The following ZNF354B variants were observed in gnomAD, a reference collection of about 807,000 sequenced individuals.
ZNF354B encodes zinc finger protein 354B.
Under a neutral mutation model 12.9 loss-of-function variants are expected in ZNF354B, and 10 were observed. That is an observed-to-expected ratio of 0.77 (90% CI 0.48 to 1.31). ZNF354B has a LOEUF of 1.31. ZNF354B is among the 40% of genes most tolerant of loss of function. ZNF354B has a pLI of 0.00. For missense variants in ZNF354B, 614 were observed against 711.7 expected, an observed-to-expected ratio of 0.86 and a Z score of 1.56; for synonymous variants, 260 against 243.7, an observed-to-expected ratio of 1.07 and a Z score of -0.62.
At chr5:178,871,904 T>C (rs2114016738) in intron 4 of ZNF354B, among the ~76,000 whole-genome samples, 1 of 152,326 alleles carries the variant, frequency 6.6e-6, no homozygotes, top group South Asian at 2.1e-4. Flanking sequence ...GAATTTTACT[T>C]TTTTTAGAAA....
chr5:178,870,105 G>T (rs1313261389), intron 4 of ZNF354B, among the ~76,000 whole-genome samples: 7 of 152,004 alleles, frequency 4.6e-5, no homozygotes, highest in African/African-American at 1.4e-4. Context: ...TGAGCCCAGG[G>T]GTTCGAGACC....
chr5:178,872,107 C>G (rs1405950503), intron 4 of ZNF354B, among the ~76,000 whole-genome samples: 1 of 152,210 alleles, frequency 6.6e-6, no homozygotes, highest in East Asian at 1.9e-4. Context: ...CGTTTTTACA[C>G]ACACCTGTTT....
chr5:178,875,345 C>A (rs1477773718), intron 4 of ZNF354B, among the ~76,000 whole-genome samples: 3 of 152,190 alleles, frequency 2.0e-5, no homozygotes, highest in Non-Finnish European at 4.4e-5. Context: ...GAACCACTGT[C>A]AATCAGTGCA....
At chr5:178,866,623 A>C (rs1182014128) in intron 3 of ZNF354B, among the ~76,000 whole-genome samples, 1 of 152,096 alleles carries the variant, frequency 6.6e-6, no homozygotes, top group Non-Finnish European at 1.5e-5. Context: ...ATTCTCTCAT[A>C]GTTCAGGCAG....
At chr5:178,862,166 A>G (rs1458235455) in intron 2 of ZNF354B, among the ~76,000 whole-genome samples, 1 of 152,080 alleles carries the variant, frequency 6.6e-6, no homozygotes, top group African/African-American at 2.4e-5. Context: ...TCACTCGCAC[A>G]GTAGCACAAC....
intron 3 of ZNF354B, 87 bp downstream of exon 3, chr5:178,866,457 A>C: frequency 6.6e-7 from 1 of 1,524,442 alleles, no homozygotes; most frequent in Non-Finnish European, 8.8e-7. Context: ...TTGATCACTG[A>C]AAAATTTGAG....
At chr5:178,870,527 C>A (rs1472686108) in intron 4 of ZNF354B, among the ~76,000 whole-genome samples, 1 of 152,182 alleles carries the variant, frequency 6.6e-6, no homozygotes, top group Non-Finnish European at 1.5e-5. Context: ...TGATCTGTCC[C>A]CCTCAGCCTC....
At chr5:178,870,961 G>C (rs1447022087) in intron 4 of ZNF354B, among the ~76,000 whole-genome samples, 1 of 152,148 alleles carries the variant, frequency 6.6e-6, no homozygotes, top group Non-Finnish European at 1.5e-5. Flanking sequence ...CACCTACCCA[G>C]TATAGTCCGG....
At chr5:178,872,109 C>T (rs1757572318) in intron 4 of ZNF354B, among the ~76,000 whole-genome samples, 2 of 152,216 alleles carry the variant, frequency 1.3e-5, no homozygotes, top group Non-Finnish European at 2.9e-5. Flanking sequence ...TTTTTACACA[C>T]ACCTGTTTCC....
Position 178,882,812 on chromosome 5 carries a change from A to T in ZNF354B, c.360A>T (p.Ile120=), listed in dbSNP as rs1027081697. 1.3e-5 allele frequency: 21 copies of T among 1,604,628 alleles called. 2 individuals are homozygous for T. Among genetic ancestry groups the T allele is most frequent in the East Asian group, 4.5e-5 (2 of 44,790 alleles). Residue 120 remains isoleucine (I), a synonymous_variant, in exon 5 of 5, where the codon ATA becomes ATT. Transcript: ENST00000322434. ...RLKRDEPWNF[I]SERSCIYEEK... is the part of the protein sequence containing the mutation. ...AAAGGGATGAACCCTGGAACTTCAT[A>T]TCAGAAAGATCCTGCATATATGAAG...
Position 178,883,984 on chromosome 5 carries a change from A to G in ZNF354B, c.1532A>G (p.Asn511Ser), listed in dbSNP as rs1225683031. The part of the protein sequence containing the change: ...KTFRCNSSLS[N>S]HQRIHTGEKP... ...TTCAGGTGTAACTCATCGCTTAGTA[A>G]TCACCAGAGAATTCATACTGGAGAG... The change falls in exon 5 of 5, where the codon AAT becomes AGT. Residue 511 changes from asparagine to serine, a missense_variant. Asn to Ser is a conservative substitution (Grantham distance 46). Coordinates refer to ENST00000322434, the MANE Select transcript of ZNF354B (RefSeq NM_058230.3). 7 of 1,614,124 alleles carry G rather than the reference A, an allele frequency of 4.3e-6. No individual in the cohort carries two copies. In the South Asian group the frequency reaches 7.7e-5, roughly 18 times the overall value.
chr5:178,879,310 G>A (rs943432922), intron 4 of ZNF354B, among the ~76,000 whole-genome samples: 1 of 152,180 alleles, frequency 6.6e-6, no homozygotes, highest in Non-Finnish European at 1.5e-5. Flanking sequence ...GCCTCCCAAA[G>A]TGCTAGGATT....
chr5:178,866,150 A>G (rs1014390553), intron 2 of ZNF354B, 94 bp from the exon 3 acceptor site: 4 of 1,536,746 alleles, frequency 2.6e-6, no homozygotes, highest in Non-Finnish European at 3.5e-6. Context: ...GAATAGTATG[A>G]GAAGTGTTTC....
chr5:178,880,697 A>G lies in ZNF354B; in HGVS notation c.257-2012A>G, dbSNP rs140069872. Among the ~76,000 whole-genome samples the G allele has an allele frequency of 4.6e-4, 70 of 151,278 alleles. 1 individual carries two copies. Among genetic ancestry groups the G allele is most frequent in the African/African-American group, 1.7e-3 (69 of 41,220 alleles). On this transcript the variant is annotated intron_variant, in intron 4 of 4. Coordinates refer to ENST00000322434, the MANE Select transcript of ZNF354B (RefSeq NM_058230.3). ...TGTTTTAGAGATGGGATCTTACTGT[A>G]TTGCCCAGGCTGATCTCGAACTCCT...
Position 178,867,068 on chromosome 5 carries a change from C to T in ZNF354B, c.253C>T (p.Leu85=), listed in dbSNP as rs1204053633. ...VEKDSSGVSS[L]GCKSTPKMTK... ...GAAAGACAGTTCTGGTGTCTCCTCT[C>T]TAGGTAAGTGGGTGGCCCGAGGTGC... is the stretch of plus-strand genomic sequence containing the variant. The change falls in exon 4 of 5, where the codon CTA becomes TTA. Residue 85 remains leucine (L), a synonymous_variant. Coordinates refer to ENST00000322434, the MANE Select transcript of ZNF354B (RefSeq NM_058230.3). The T allele has an allele frequency of 3.7e-6, 6 of 1,612,710 alleles. No individual in the cohort carries two copies. In the South Asian group the frequency reaches 6.6e-5, roughly 18 times the overall value.
chr5:178,876,479 G>T (rs1252038002), intron 4 of ZNF354B, among the ~76,000 whole-genome samples: 1 of 152,250 alleles, frequency 6.6e-6, no homozygotes, highest in Non-Finnish European at 1.5e-5. Flanking sequence ...GAGAGCCTAG[G>T]CAGGGCTGGT....
intron 4 of ZNF354B, among the ~76,000 whole-genome samples, chr5:178,870,505 T>C (rs1757545429): frequency 6.6e-6 from 1 of 152,190 alleles, no homozygotes; most frequent in Non-Finnish European, 1.5e-5. Context: ...GTCTCGAACT[T>C]CTGACCTGAA....
intron 4 of ZNF354B, among the ~76,000 whole-genome samples, chr5:178,872,619 C>G (rs1757580746): frequency 6.6e-6 from 1 of 152,118 alleles, no homozygotes; most frequent in South Asian, 2.1e-4. Context: ...TGTGAATGAT[C>G]CAATGTTGTT....
At chr5:178,862,143 T>C (rs555667947) in intron 2 of ZNF354B, among the ~76,000 whole-genome samples, 2 of 152,280 alleles carry the variant, frequency 1.3e-5, no homozygotes, top group East Asian at 3.9e-4. Context: ...CTGAGGGCTT[T>C]ACATTTGTTC....
Sources: gnomAD v4.1 joint callset for allele counts (sites outside exome capture counted in the v4.1 genomes callset) on GRCh38, gnomAD v4.1.1 for gene constraint, MANE v1.5 for transcripts, NCBI Gene and HGNC (gene_info 2026-07-23, HGNC 2026-07-21) for gene names.